SPAG16: variants seen among roughly 807,000 people sequenced by gnomAD.
SPAG16 encodes sperm-associated antigen 16 protein.
A neutral mutation model predicts 80.4 loss-of-function variants in SPAG16; 86 were observed. That is an observed-to-expected ratio of 1.07 (90% CI 0.90 to 1.28). The LOEUF (loss-of-function observed/expected upper bound fraction) is 1.28. Among genes scored for constraint, SPAG16 ranks in the 50% most tolerant of loss-of-function variants. The pLI, the probability that SPAG16 is intolerant of heterozygous loss-of-function variation, is 0.00. For missense variants in SPAG16, 870 were observed against 765.3 expected (o/e 1.14, Z -1.61); for synonymous variants, 294 against 265.9 (o/e 1.11, Z -1.03).
chr2:214,296,580 C>T (rs568407934), intron 15 of SPAG16, among the ~76,000 whole-genome samples: 1 of 152,170 alleles, frequency 6.6e-6, no homozygotes, highest in Admixed American at 6.5e-5. Context: ...ATAATAGCCA[C>T]TCTGACTGGT....
At chr2:213,693,941 G>T (rs1236231103) in intron 10 of SPAG16, among the ~76,000 whole-genome samples, 1 of 151,548 alleles carries the variant, frequency 6.6e-6, no homozygotes, top group African/African-American at 2.4e-5. Flanking sequence ...GGGATGCCAG[G>T]TATTTTGTTT....
intron 10 of SPAG16, among the ~76,000 whole-genome samples, chr2:213,819,766 T>A (rs2072815254): frequency 6.6e-6 from 1 of 150,882 alleles, no homozygotes. Flanking sequence ...GTTGGTTGGT[T>A]TTTTTTTTGA....
intron 13 of SPAG16, among the ~76,000 whole-genome samples, chr2:214,025,131 G>A (rs1293055185): frequency 6.6e-6 from 1 of 151,446 alleles, no homozygotes; most frequent in Non-Finnish European, 1.5e-5. Context: ...AATCAAAAAG[G>A]GTCAGTTACG....
intron 10 of SPAG16, among the ~76,000 whole-genome samples, chr2:213,701,559 C>T (rs138216601): frequency 2.6e-4 from 39 of 152,060 alleles, no homozygotes; most frequent in South Asian, 1.5e-3. Context: ...GTGTGGAGGG[C>T]GCTGCTCTGT....
At chr2:214,334,319 G>T (rs926476122) in intron 15 of SPAG16, among the ~76,000 whole-genome samples, 20 of 152,194 alleles carry the variant, frequency 1.3e-4, no homozygotes, top group African/African-American at 4.6e-4. Context: ...CGAATAAGGG[G>T]AGTACTAAAT....
At chr2:214,391,513 T>C (rs565373568) in intron 15 of SPAG16, among the ~76,000 whole-genome samples, 1 of 152,196 alleles carries the variant, frequency 6.6e-6, no homozygotes, top group Non-Finnish European at 1.5e-5. Context: ...ATGGGTTAAA[T>C]ATGGTCAATT....
At position 213,859,178 on chromosome 2, in the gene SPAG16, C is replaced by CAAAAAAAAAAAAA. The variant is rs1165853142; in HGVS notation, c.1071-3281_1071-3269dup. On this transcript the variant is annotated intron_variant, in intron 10 of 15. Coordinates refer to ENST00000331683, the MANE Select transcript of SPAG16 (RefSeq NM_024532.5). ...TGGGCAACAGAGCGACACTCCGTCT[C>CAAAAAAAAAAAAA]AAAAAAAAAAAAAAAAAAAAAAAAA... Among the ~76,000 whole-genome samples, 37 of 9,376 alleles carry CAAAAAAAAAAAAA rather than the reference C, an allele frequency of 3.9e-3. 14 individuals carry two copies. Among genetic ancestry groups the CAAAAAAAAAAAAA allele is most frequent in the East Asian group, 7.8e-3 (2 of 256 alleles). 6.2% of individuals were successfully genotyped at this position (9,376 alleles called of 152,430 possible). A position where few individuals can be genotyped will look rare whatever the true frequency, so the allele number is the denominator to read the frequency against.
intron 15 of SPAG16, among the ~76,000 whole-genome samples, chr2:214,279,095 G>T (rs77247838): frequency 0.021 from 2,976 of 144,838 alleles, 65 homozygotes; most frequent in African/African-American, 0.052. Flanking sequence ...CAGAATATAT[G>T]AAACAAGCTT....
chr2:213,976,190 A>C (rs147644800), intron 12 of SPAG16, among the ~76,000 whole-genome samples: 1 of 149,312 alleles, frequency 6.7e-6, no homozygotes, highest in Non-Finnish European at 1.5e-5. Context: ...GTATGTGCGT[A>C]TGTGTATATA....
intron 13 of SPAG16, among the ~76,000 whole-genome samples, chr2:214,102,099 G>T (rs1321036263): frequency 1.4e-5 from 2 of 141,192 alleles, no homozygotes; most frequent in African/African-American, 5.4e-5. Flanking sequence ...AAGCATATCT[G>T]GTGAGGGTGG....
chr2:213,423,441 G>GGAT (rs970344180), intron 9 of SPAG16, among the ~76,000 whole-genome samples: 47 of 152,214 alleles, frequency 3.1e-4, no homozygotes, highest in African/African-American at 1.1e-3. Flanking sequence ...CTGGAGAGAG[G>GGAT]GATGGTGCCT....
intron 9 of SPAG16, among the ~76,000 whole-genome samples, chr2:213,385,100 C>A (rs1416411483): frequency 6.6e-6 from 1 of 152,198 alleles, no homozygotes; most frequent in East Asian, 1.9e-4. Flanking sequence ...CTGCTCCTCT[C>A]ACCTTACTGC....
At chr2:213,742,589 G>A (rs1391097659) in intron 10 of SPAG16, among the ~76,000 whole-genome samples, 3 of 112,246 alleles carry the variant, frequency 2.7e-5, no homozygotes, top group Non-Finnish European at 5.1e-5. Context: ...TTTCGGTCTT[G>A]TCGCCCAGGC....
At chr2:213,726,787 C>T (rs972872376) in intron 10 of SPAG16, among the ~76,000 whole-genome samples, 19 of 152,046 alleles carry the variant, frequency 1.2e-4, no homozygotes, top group African/African-American at 3.9e-4. Context: ...CTGATGAATC[C>T]GACAAAATAG....
chr2:213,601,001 G>T (rs1172941361), intron 10 of SPAG16, among the ~76,000 whole-genome samples: 1 of 152,198 alleles, frequency 6.6e-6, no homozygotes, highest in Admixed American at 6.5e-5. Flanking sequence ...CTTTGTCTTA[G>T]GGGAAAGTGA....
chr2:214,272,921 G>A (rs1232501103), intron 15 of SPAG16, among the ~76,000 whole-genome samples: 1 of 152,142 alleles, frequency 6.6e-6, no homozygotes, highest in African/African-American at 2.4e-5. Context: ...GTGTAAAAGT[G>A]TTCCTATTTC....
chr2:213,976,138 AC>A (rs2045376724), intron 12 of SPAG16, among the ~76,000 whole-genome samples: 10 of 79,260 alleles, frequency 1.3e-4, no homozygotes, highest in Admixed American at 3.0e-4. Context: ...ATATATATAC[AC>A]ACACACACAC....
intron 10 of SPAG16, among the ~76,000 whole-genome samples, chr2:213,529,311 A>G (rs978547816): frequency 3.9e-5 from 6 of 152,070 alleles, no homozygotes; most frequent in Admixed American, 2.6e-4. Context: ...CTTCCCTTCT[A>G]CTCCTCAAAA....
At chr2:214,210,997 C>A (rs1278863245) in intron 15 of SPAG16, among the ~76,000 whole-genome samples, 1 of 152,046 alleles carries the variant, frequency 6.6e-6, no homozygotes, top group East Asian at 1.9e-4. Context: ...TAAACCAAAG[C>A]AATGAACGTT....
Sources: allele counts gnomAD v4.1 joint callset (sites outside exome capture counted in the v4.1 genomes callset), GRCh38; gene constraint gnomAD v4.1.1; transcripts MANE v1.5; gene names NCBI Gene and HGNC (gene_info 2026-07-23, HGNC 2026-07-21).